The following ANK2 variants were observed in gnomAD, a reference collection of about 807,000 sequenced individuals.
ANK2 encodes ankyrin-2.
Under a neutral mutation model 360.5 loss-of-function variants are expected in ANK2, and 83 were observed. The ratio of observed to expected loss-of-function variants is 0.23; its 90% CI spans 0.19 to 0.28. The LOEUF is 0.28. Among genes scored for constraint, ANK2 ranks in the 10% least tolerant of loss-of-function variants. The pLI, the probability that ANK2 is intolerant of heterozygous loss-of-function variation, is 1.00. For synonymous variants in ANK2, 1,740 were observed against 1,759.5 expected (o/e 0.99, Z 0.28); for missense variants, 4,201 against 4,795.7 (o/e 0.88, Z 3.66).
the ANK2 span, among the ~76,000 whole-genome samples, chr4:112,809,695 A>G: frequency 0.56 from 83,050 of 149,156 alleles, 23,929 homozygotes; most frequent in East Asian, 0.88. Context: ...CAGTCTGGGC[A>G]ATATGGTGAA....
chr4:113,119,673 C>T (rs1174182762), intron 1 of ANK2, among the ~76,000 whole-genome samples: 1 of 152,012 alleles, frequency 6.6e-6, no homozygotes. Context: ...TTTTCATATC[C>T]ATTTGTAGTG....
intron 22 of ANK2, among the ~76,000 whole-genome samples, chr4:113,293,833 C>A (rs1395769609): frequency 2.0e-5 from 3 of 152,112 alleles, no homozygotes; most frequent in Non-Finnish European, 4.4e-5. Context: ...GGCTTCTGTG[C>A]CCTTTCCTTT....
intron 1 of ANK2, among the ~76,000 whole-genome samples, chr4:113,070,333 C>T (rs531263826): frequency 5.9e-4 from 89 of 151,704 alleles, no homozygotes; most frequent in South Asian, 5.0e-3. Context: ...CATTGTCCAC[C>T]TTTATCATTA....
intron 1 of ANK2, among the ~76,000 whole-genome samples, chr4:112,862,061 C>T (rs976497481): frequency 3.3e-5 from 5 of 152,168 alleles, no homozygotes; most frequent in African/African-American, 9.7e-5. Context: ...GTTTCCTCTT[C>T]TACAAATTGT....
intron 24 of ANK2, among the ~76,000 whole-genome samples, chr4:113,312,293 G>A (rs28432339): frequency 0.18 from 27,148 of 147,306 alleles, 4,108 homozygotes; most frequent in African/African-American, 0.43. Flanking sequence ...AAAAAAAAAA[G>A]AAAAGAAAAG....
chr4:113,075,554 A>T (rs2079569990), intron 1 of ANK2, among the ~76,000 whole-genome samples: 1 of 152,198 alleles, frequency 6.6e-6, no homozygotes, highest in Non-Finnish European at 1.5e-5. Context: ...CATGTGGCAG[A>T]TGGAACAGAA....
chr4:113,159,429 T>C (rs2097430406), intron 1 of ANK2, among the ~76,000 whole-genome samples: 1 of 152,088 alleles, frequency 6.6e-6, no homozygotes, highest in African/African-American at 2.4e-5. Flanking sequence ...TAATTAATCT[T>C]ACTGTAATTA....
At chr4:113,333,933 C>T (rs1323277051) in intron 29 of ANK2, among the ~76,000 whole-genome samples, 1 of 152,170 alleles carries the variant, frequency 6.6e-6, no homozygotes, top group African/African-American at 2.4e-5. Flanking sequence ...CCTCAGGTCT[C>T]CATAGTTTGC....
chr4:112,944,806 A>G (rs1005427285), intron 2 of ANK2, among the ~76,000 whole-genome samples: 4 of 152,240 alleles, frequency 2.6e-5, no homozygotes, highest in African/African-American at 9.6e-5. Flanking sequence ...GGAGCTAATC[A>G]GTGGACTGAC....
chr4:112,825,080 A>G (rs1308899346), intron 1 of ANK2, among the ~76,000 whole-genome samples: 1 of 152,210 alleles, frequency 6.6e-6, no homozygotes, highest in Non-Finnish European at 1.5e-5. Flanking sequence ...TGAGCAAACT[A>G]TTGCAAGGAC....
the ANK2 span, among the ~76,000 whole-genome samples, chr4:112,716,023 T>C: frequency 6.6e-6 from 1 of 152,200 alleles, no homozygotes; most frequent in African/African-American, 2.4e-5. Context: ...CTATTGTTGT[T>C]ATATGATAAA....
intron 2 of ANK2, among the ~76,000 whole-genome samples, chr4:112,921,154 G>A (rs2091383945): frequency 6.8e-6 from 1 of 147,306 alleles, no homozygotes; most frequent in Admixed American, 6.9e-5. Context: ...AGCCTTCCAA[G>A]TAGCTGGGGC....
chr4:113,257,909 C>G (rs1005544017), intron 11 of ANK2, 141 bp from the exon 12 acceptor site: 1 of 869,792 alleles, frequency 1.1e-6, no homozygotes, highest in Non-Finnish European at 1.9e-6. Context: ...ATTTTTCTTT[C>G]CAAATTCCAA....
At chr4:113,255,585 A>C (rs963521835) in intron 10 of ANK2, 150 bp from the exon 11 acceptor site, 1 of 740,780 alleles carries the variant, frequency 1.3e-6, no homozygotes, top group Non-Finnish European at 2.2e-6. Flanking sequence ...TGCGAAATAT[A>C]GTCTGCTGTA....
At chr4:112,726,657 C>T in the ANK2 span, among the ~76,000 whole-genome samples, 1 of 151,990 alleles carries the variant, frequency 6.6e-6, no homozygotes. Flanking sequence ...CGAGACCATC[C>T]TGGCTAACAC....
At chr4:113,216,542 C>G (rs2099087720) in intron 4 of ANK2, among the ~76,000 whole-genome samples, 1 of 152,224 alleles carries the variant, frequency 6.6e-6, no homozygotes, top group Non-Finnish European at 1.5e-5. Context: ...CCTGTTAGGG[C>G]ATCATCTTTT....
chr4:113,123,300 C>A (rs961570286), intron 1 of ANK2, among the ~76,000 whole-genome samples: 1 of 151,926 alleles, frequency 6.6e-6, no homozygotes, highest in Non-Finnish European at 1.5e-5. Context: ...ATGATATTTA[C>A]ACTATATTTT....
intron 1 of ANK2, among the ~76,000 whole-genome samples, chr4:113,152,079 G>GAA (rs1554193694): frequency 3.9e-5 from 1 of 25,490 alleles, no homozygotes; most frequent in East Asian, 8.2e-4. Flanking sequence ...AAAAAAAAAA[G>GAA]AAAAAAAAAA....
chr4:113,001,030 T>TC (rs5861117), intron 2 of ANK2, among the ~76,000 whole-genome samples: 1 of 149,618 alleles, frequency 6.7e-6, no homozygotes, highest in African/African-American at 2.5e-5. Flanking sequence ...ACTTCCTTTC[T>TC]TTTTCCTTAA....
Sources: gnomAD v4.1 joint callset for allele counts (sites outside exome capture counted in the v4.1 genomes callset) on GRCh38, gnomAD v4.1.1 for gene constraint, MANE v1.5 for transcripts, NCBI Gene and HGNC (gene_info 2026-07-23, HGNC 2026-07-21) for gene names.